The following ELF3 variants were observed in gnomAD, a reference collection of about 807,000 sequenced individuals.
The protein encoded by ELF3 is E74 like ETS transcription factor 3.
In ELF3, 18 loss-of-function variants were observed where a neutral mutation model predicts 43.9. The ratio of observed to expected loss-of-function variants is 0.41; its 90% CI spans 0.28 to 0.61. The LOEUF (loss-of-function observed/expected upper bound fraction) is 0.61, where lower values mean the gene tolerates loss of function less well. Among genes scored for constraint, ELF3 ranks in the 20% least tolerant of loss-of-function variants. The pLI, the probability that ELF3 is intolerant of heterozygous loss-of-function variation, is 0.30. For missense variants in ELF3, 373 were observed against 487.7 expected (o/e 0.76, Z 2.21); for synonymous variants, 181 against 190.2 (o/e 0.95, Z 0.40).
Position 202,010,917 on chromosome 1 carries a change from TGAGGAGGGAAGCCCAGCTG to T in ELF3, c.-8-207_-8-189del. 1.8e-6 allele frequency: 1 copy of T among 555,374 alleles called. No homozygotes were observed. Among genetic ancestry groups the T allele is most frequent in the South Asian group, 2.1e-5 (1 of 46,572 alleles). The allele number at this position is 555,374 out of a possible 1,614,324, so 34.4% of individuals were successfully genotyped here. On this transcript the variant is annotated intron_variant, in intron 1 of 8. Coordinates refer to ENST00000367284, the MANE Select transcript of ELF3 (RefSeq NM_004433.5). This position sits in a 1 kb window ranked among gnomAD's most constrained non-coding sequence, Gnocchi z 4.3. ...GTCTGGCTCCAGGGCCCCAGAGATC[TGAGGAGGGAAGCCCAGCTG>T]GAGGCTCCTGTGGTCCTGCCCTGGT...
rs1684307752 is a variant in ELF3, at chr1:202,016,234, TTCA to T, written c.*913_*915del. On this transcript the variant is annotated 3_prime_UTR_variant, in exon 9 of 9. Transcript: ENST00000367284. The stretch of plus-strand genomic sequence containing the variant: ...GACTGTTGGAGAACGCTTACAAGAC[TTCA>T]TGCAAGCAAGGACATGAACTCAGAA... The T allele has an allele frequency of 6.6e-6, 1 of 152,498 alleles. No homozygotes were observed. The highest frequency in any genetic ancestry group is 1.5e-5 in the Non-Finnish European group (1 of 68,148). 9.4% of individuals were successfully genotyped at this position (152,498 alleles called of 1,614,324 possible). A position where few individuals can be genotyped will look rare whatever the true frequency, so the allele number is the denominator to read the frequency against.
chr1:202,012,104 A>C lies in ELF3; in HGVS notation c.311A>C (p.Asn104Thr), dbSNP rs58166377. 6.2e-7 allele frequency: 1 copy of C among 1,614,140 alleles called. No individual in the cohort carries two copies. Among genetic ancestry groups the C allele is most frequent in the Non-Finnish European group, 8.5e-7 (1 of 1,180,036 alleles). ...GACATGGATGGCGCCACCCTCTGCA[A>C]TTGTGCCCTTGAGGAGCTGCGTCTG... ...RCDMDGATLC[N>T]CALEELRLVF... Residue 104 changes from asparagine (N) to threonine (T), a missense_variant, in exon 3 of 9, where the codon AAT becomes ACT. Around this residue, in one of 3 missense-constraint regions of ELF3, gnomAD observed 311 missense variants for 351.2 expected, o/e 0.89. Coordinates refer to ENST00000367284, the MANE Select transcript of ELF3 (RefSeq NM_004433.5). This position sits in a 1 kb window ranked among gnomAD's most constrained non-coding sequence, Gnocchi z 4.2.
chr1:202,012,535 C>T lies in ELF3; in HGVS notation c.478+99C>T. ...TGACCCCCTCCCCAGACTTCTTCCT[C>T]CCTCAATTAGAAAAATTGCAGCAGG... On this transcript the variant is annotated intron_variant, in intron 4 of 8. Coordinates refer to ENST00000367284, the MANE Select transcript of ELF3 (RefSeq NM_004433.5). This position sits in a 1 kb window ranked among gnomAD's most constrained non-coding sequence, Gnocchi z 4.2. 1.9e-6 allele frequency: 3 copies of T among 1,557,534 alleles called. No homozygotes were observed. Among genetic ancestry groups the T allele is most frequent in the Non-Finnish European group, 2.6e-6 (3 of 1,152,472 alleles).
intron 2 of ELF3, chr1:202,011,665 A>T: frequency 2.1e-6 from 1 of 473,164 alleles, no homozygotes; most frequent in Non-Finnish European, 3.8e-6. Context: ...TGAGGTCAAG[A>T]GTTCGAGACC....
rs1402974626 is a variant in ELF3 at position 202,012,663 on chromosome 1, G to A, written c.502G>A (p.Glu168Lys). The A allele has an allele frequency of 4.4e-6, 7 of 1,608,360 alleles. No individual in the cohort carries two copies. Among genetic ancestry groups the A allele is most frequent in the East Asian group, 4.5e-5 (2 of 44,822 alleles). Residue 168 changes from glutamate to lysine, a missense_variant, in exon 5 of 9, where the codon GAG (glutamate) becomes AAG (lysine). By Grantham distance (56) the Glu-to-Lys change is moderately conservative. Around this residue, in one of 3 missense-constraint regions of ELF3, gnomAD observed 311 missense variants for 351.2 expected, o/e 0.89. Transcript: ENST00000367284. This position sits in a 1 kb window ranked among gnomAD's most constrained non-coding sequence, Gnocchi z 4.2. Reference protein sequence around the residue: ...PFDQGSPFAQELLDDGQQASP... With the variant: ...PFDQGSPFAQKLLDDGQQASP... Reference sequence around the variant, plus strand: ...AGACCAGGGCAGCCCCTTTGCCCAGGAGCTGCTGGACGACGGTCAGCAAGC... The same window carrying A: ...AGACCAGGGCAGCCCCTTTGCCCAGAAGCTGCTGGACGACGGTCAGCAAGC...
rs1255241042 is a variant in ELF3, at chr1:202,016,754, C to T, written c.*1431C>T. ...GTAGTGAGTATAGCACCCAGTGAAA[C>T]TGTAGTCTCATGCCAGGCACTGTGC... is the stretch of plus-strand genomic sequence containing the variant. On this transcript the variant is annotated 3_prime_UTR_variant, in exon 9 of 9. Coordinates refer to ENST00000367284, the MANE Select transcript of ELF3 (RefSeq NM_004433.5). 6.6e-6 allele frequency: 1 copy of T among 152,060 alleles called. No homozygotes were observed. Among genetic ancestry groups the T allele is most frequent in the African/African-American group, 2.4e-5 (1 of 41,394 alleles). 9.4% of individuals were successfully genotyped at this position (152,060 alleles called of 1,614,324 possible).
rs1453377924 is a variant in ELF3 at position 202,011,974 on chromosome 1, G to A, written c.181G>A (p.Gly61Arg). 5 of 1,613,924 alleles carry A rather than the reference G, an allele frequency of 3.1e-6. No individual in the cohort carries two copies. Among genetic ancestry groups the A allele is most frequent in the African/African-American group, 1.3e-5 (1 of 74,954 alleles). ...CCTTGCAGAGAAGGCCAGCTGGTTG[G>A]GGGAACAGCCCCAGTTCTGGTCGAA... ...LEGTEKASWL[G>R]EQPQFWSKTQ... Residue 61 changes from glycine to arginine, a missense_variant, in exon 3 of 9, where the codon GGG (glycine) becomes AGG (arginine). This residue lies in a region of ELF3 where 311 missense variants were observed against 351.2 expected (regional missense o/e 0.89). Coordinates refer to ENST00000367284, the MANE Select transcript of ELF3 (RefSeq NM_004433.5).
chr1:202,013,350 T>TG lies in ELF3; in HGVS notation c.805+56dup. The TG allele has an allele frequency of 6.4e-7, 1 of 1,568,238 alleles. No homozygotes were observed. ...CCCTGCGCCGGGCTGAGCGGCTTCC[T>TG]GGGGCACTGCGGGTTGTTGCAGGTA... On this transcript the variant is annotated intron_variant, in intron 7 of 8. Coordinates refer to ENST00000367284, the MANE Select transcript of ELF3 (RefSeq NM_004433.5). This position sits in a 1 kb window ranked among gnomAD's most constrained non-coding sequence, Gnocchi z 5.7.
rs1571661272 is a variant in ELF3, at chr1:202,012,828, C to T, written c.598+69C>T. On this transcript the variant is annotated intron_variant, in intron 5 of 8. Transcript: ENST00000367284. This position sits in a 1 kb window ranked among gnomAD's most constrained non-coding sequence, Gnocchi z 4.2. ...CCCTTGTTCCCTCTGGCTCCCAGCACCATAACTCAGGCCTTCTGGCAGGAA... is the reference window on the plus strand; with the variant it reads ...CCCTTGTTCCCTCTGGCTCCCAGCATCATAACTCAGGCCTTCTGGCAGGAA... 3.3e-6 allele frequency: 5 copies of T among 1,538,012 alleles called. No homozygotes were observed. The East Asian group carries it at 9.1e-5, about 28-fold the overall frequency.
chr1:202,011,886 A>G, intron 2 of ELF3, 71 bp from the exon 3 acceptor site: 1 of 1,512,908 alleles, frequency 6.6e-7, no homozygotes. Context: ...TCAAAAAAAA[A>G]AAAAAAAATG....
intron 1 of ELF3, 68 bp from the exon 2 acceptor site, chr1:202,011,061 T>C (rs774465382): frequency 8.9e-6 from 14 of 1,577,512 alleles, no homozygotes; most frequent in Non-Finnish European, 1.2e-5. Context: ...CAAAGCAGAG[T>C]AGCTGGGAGT....
chr1:202,014,374 G>A lies in ELF3; in HGVS notation c.1001+350G>A, dbSNP rs114634298. ...AAGCACTTAGGTTGTTTTTCTCTGG[G>A]CCTCAGTTTCCTCCTGTGTCCAGGA... On this transcript the variant is annotated intron_variant, in intron 8 of 8. Coordinates refer to ENST00000367284, the MANE Select transcript of ELF3 (RefSeq NM_004433.5). Among the ~76,000 whole-genome samples, 378 of 152,320 alleles carry A rather than the reference G, an allele frequency of 2.5e-3. 2 individuals are homozygous for A. The highest frequency in any genetic ancestry group is 4.4e-3 in the Non-Finnish European group (297 of 68,028).
chr1:202,015,646 C>A lies in ELF3; in HGVS notation c.*323C>A. The A allele has an allele frequency of 6.1e-6, 2 of 326,690 alleles. No individual in the cohort carries two copies. The highest frequency in any genetic ancestry group is 2.1e-5 in the African/African-American group (1 of 47,086). 20.2% of individuals were successfully genotyped at this position (326,690 alleles called of 1,614,324 possible). On this transcript the variant is annotated 3_prime_UTR_variant, in exon 9 of 9. Coordinates refer to ENST00000367284, the MANE Select transcript of ELF3 (RefSeq NM_004433.5). ...AGACAACACCTTCCTCCTGCAGACA[C>A]CTGGACTGAGCCAAGGAGGCCTGGG...
Position 202,012,798 on chromosome 1 carries a change from A to G in ELF3, c.598+39A>G, listed in dbSNP as rs1684235599. On this transcript the variant is annotated intron_variant, in intron 5 of 8. Coordinates refer to ENST00000367284, the MANE Select transcript of ELF3 (RefSeq NM_004433.5). The surrounding 1 kb of genome is among the most constrained non-coding windows in gnomAD (Gnocchi z 4.2). Reference sequence around the variant, plus strand: ...CTGGGCCACAACCTCCCTTCCCCGAAGTGTCCCTTGTTCCCTCTGGCTCCC... The same window carrying G: ...CTGGGCCACAACCTCCCTTCCCCGAGGTGTCCCTTGTTCCCTCTGGCTCCC... 6.5e-7 allele frequency: 1 copy of G among 1,537,850 alleles called. No homozygotes were observed. Among genetic ancestry groups the G allele is most frequent in the African/African-American group, 1.4e-5 (1 of 72,816 alleles).
chr1:202,012,363 G>A lies in ELF3; in HGVS notation c.405G>A (p.Glu135=), dbSNP rs761937653. 9 of 1,614,018 alleles carry A rather than the reference G, an allele frequency of 5.6e-6. No individual in the cohort carries two copies. The highest frequency in any genetic ancestry group is 7.6e-6 in the Non-Finnish European group (9 of 1,180,012). Residue 135 remains glutamate, a synonymous_variant, in exon 4 of 9, where the codon GAG becomes GAA. Transcript: ENST00000367284. This position sits in a 1 kb window ranked among gnomAD's most constrained non-coding sequence, Gnocchi z 4.2. The part of the protein sequence containing the change: ...LRDLTSSSSD[E]LSWIIELLEK... The stretch of plus-strand genomic sequence containing the variant: ...TGTCAGCTTCCAGCTCTTCTGATGA[G>A]CTCAGTTGGATCATTGAGCTGCTGG...
Position 202,015,282 on chromosome 1 carries a change from A to G in ELF3, c.1075A>G (p.Ser359Gly). 6.2e-7 allele frequency: 1 copy of G among 1,614,114 alleles called. No individual in the cohort carries two copies. The highest frequency in any genetic ancestry group is 8.5e-7 in the Non-Finnish European group (1 of 1,180,022). ...RLVYKFGKNS[S>G]GWKEEEVLQS... ...CGTCTACAAGTTTGGCAAAAACTCA[A>G]GCGGCTGGAAGGAGGAAGAGGTTCT... The change falls in exon 9 of 9, where the codon AGC becomes GGC. Residue 359 changes from serine (S) to glycine (G), a missense_variant. Physicochemically the swap from Ser to Gly is moderately conservative, Grantham distance 56. Around this residue, in one of 3 missense-constraint regions of ELF3, gnomAD observed 61 missense variants for 115.9 expected, o/e 0.53. Coordinates refer to ENST00000367284, the MANE Select transcript of ELF3 (RefSeq NM_004433.5).
At position 202,010,989 on chromosome 1, in the gene ELF3, G is replaced by C; in HGVS notation, c.-8-140G>C. ...GAGATCTTGGAGCCCTTCTTGAAGAGACGGTGTCCGCAGAGTTGCTGATCT... is the reference window on the plus strand; with the variant it reads ...GAGATCTTGGAGCCCTTCTTGAAGACACGGTGTCCGCAGAGTTGCTGATCT... On this transcript the variant is annotated intron_variant, in intron 1 of 8. Transcript: ENST00000367284. The surrounding 1 kb of genome is among the most constrained non-coding windows in gnomAD (Gnocchi z 4.3). The C allele has an allele frequency of 1.2e-6, 1 of 857,192 alleles. No homozygotes were observed. Among genetic ancestry groups the C allele is most frequent in the Non-Finnish European group, 1.8e-6 (1 of 560,454 alleles). 53.1% of individuals were successfully genotyped at this position (857,192 alleles called of 1,614,324 possible). A position where few individuals can be genotyped will look rare whatever the true frequency, so the allele number is the denominator to read the frequency against.
rs888783760 is a variant in ELF3 at position 202,017,043 on chromosome 1, G to T, written c.*1720G>T. 1.3e-5 allele frequency: 2 copies of T among 152,196 alleles called. No homozygotes were observed. The highest frequency in any genetic ancestry group is 4.8e-5 in the African/African-American group (2 of 41,436). The allele number at this position is 152,196 out of a possible 1,614,324, so 9.4% of individuals were successfully genotyped here. ...CTTAAGAATGCTTTCCAGGTGGAAA[G>T]TTCCTTAAGTTTGAGGCTTCAAATT... On this transcript the variant is annotated 3_prime_UTR_variant, in exon 9 of 9. Transcript: ENST00000367284.
chr1:202,013,317 T>G lies in ELF3; in HGVS notation c.805+19T>G, dbSNP rs199664319. The G allele has an allele frequency of 6.1e-5, 99 of 1,610,528 alleles. No homozygotes were observed. The highest frequency in any genetic ancestry group is 8.2e-5 in the Non-Finnish European group (96 of 1,177,146). ...AAGCACGGTGAGCTCCGGGGGCACG[T>G]GGGTCCTCCCTGCGCCGGGCTGAGC... On this transcript the variant is annotated intron_variant, in intron 7 of 8. Transcript: ENST00000367284. The surrounding 1 kb of genome is among the most constrained non-coding windows in gnomAD (Gnocchi z 5.7).
Sources: gnomAD v4.1 joint callset for allele counts (sites outside exome capture counted in the v4.1 genomes callset) on GRCh38, gnomAD v4.1.1 for gene constraint, gnomAD v4.1.1 regional missense constraint, Gnocchi (gnomAD v3.1) non-coding constraint, MANE v1.5 for transcripts, NCBI Gene and HGNC (gene_info 2026-07-23, HGNC 2026-07-21) for gene names.